Variants in FBXW7 observed in about 807,000 individuals in gnomAD.
The protein encoded by FBXW7 is F-box and WD repeat domain containing 7, also known as F-box/WD repeat-containing protein 7.
Under a neutral mutation model 86.3 loss-of-function variants are expected in FBXW7, and 11 were observed. That is an observed-to-expected ratio of 0.13 (90% CI 0.08 to 0.21). The LOEUF (loss-of-function observed/expected upper bound fraction) is 0.21. Ranked by LOEUF, FBXW7 falls within the 10% of genes least tolerant of loss-of-function variation. The pLI, the probability that FBXW7 is intolerant of heterozygous loss-of-function variation, is 1.00. For missense variants in FBXW7, 488 were observed against 847.4 expected (o/e 0.58, Z 5.27); for synonymous variants, 313 against 297.9 (o/e 1.05, Z -0.52).
At position 152,425,107 on chromosome 4, in the gene FBXW7, G is replaced by C. The variant is rs1739266451; in HGVS notation, c.-119-12578C>G. On this transcript the variant is annotated intron_variant, in intron 2 of 13. Transcript: ENST00000281708. ...AGCAATGCTCCACTCTTGTCTACCT[G>C]ATTTGTTTTCACTGCTGCCAAAATA... is the stretch of plus-strand genomic sequence containing the variant. 1.3e-5 allele frequency among the ~76,000 whole-genome samples: 2 copies of C among 152,212 alleles called. 1 individual carries two copies. Among genetic ancestry groups the C allele is most frequent in the South Asian group, 4.1e-4 (2 of 4,836 alleles).
At chr4:152,385,044 A>G (rs1735413994) in intron 4 of FBXW7, among the ~76,000 whole-genome samples, 1 of 152,034 alleles carries the variant, frequency 6.6e-6, no homozygotes. Flanking sequence ...TTGCTAAAGT[A>G]GGTCCCATGG....
intron 2 of FBXW7, among the ~76,000 whole-genome samples, chr4:152,522,393 T>A (rs775921342): frequency 6.6e-6 from 1 of 152,252 alleles, no homozygotes; most frequent in Non-Finnish European, 1.5e-5. Flanking sequence ...CCTTCTTACA[T>A]GTCTGTCTTT....
rs142183124 is a variant in FBXW7 at position 152,529,889 on chromosome 4, A to G, written c.-120+5052T>C. On this transcript the variant is annotated intron_variant, in intron 2 of 13. Coordinates refer to ENST00000281708, the MANE Select transcript of FBXW7 (RefSeq NM_001349798.2). ...AATCCAAAAGTTGTTACCCATCTCTATCAAAAATACAAAAAAATTAGTCGG... is the reference window on the plus strand; with the variant it reads ...AATCCAAAAGTTGTTACCCATCTCTGTCAAAAATACAAAAAAATTAGTCGG... 3.3e-5 allele frequency among the ~76,000 whole-genome samples: 5 copies of G among 151,924 alleles called. No individual in the cohort carries two copies. The East Asian group carries it at 9.7e-4, about 29-fold the overall frequency.
intron 8 of FBXW7, 143 bp downstream of exon 8, chr4:152,332,453 G>T: frequency 1.4e-6 from 1 of 737,768 alleles, no homozygotes; most frequent in African/African-American, 1.8e-5. Flanking sequence ...TAGCTGTTAA[G>T]ATTCGGCTCA....
chr4:152,489,966 G>C (rs1023782431), intron 2 of FBXW7, among the ~76,000 whole-genome samples: 2 of 151,980 alleles, frequency 1.3e-5, no homozygotes, highest in African/African-American at 4.8e-5. Flanking sequence ...TTGCAAACAT[G>C]TTTTCATTTC....
At chr4:152,508,666 AG>A (rs1747666012) in intron 2 of FBXW7, among the ~76,000 whole-genome samples, 1 of 151,440 alleles carries the variant, frequency 6.6e-6, no homozygotes, top group Non-Finnish European at 1.5e-5. Context: ...AAAAAAAAAA[AG>A]AAAAAAAAAA....
intron 2 of FBXW7, among the ~76,000 whole-genome samples, chr4:152,505,488 T>A (rs1747334894): frequency 6.6e-6 from 1 of 152,218 alleles, no homozygotes; most frequent in Non-Finnish European, 1.5e-5. Context: ...TTTCCTTATA[T>A]CCTTATTTTA....
chr4:152,515,984 G>A (rs1171827323), intron 2 of FBXW7, among the ~76,000 whole-genome samples: 1 of 152,156 alleles, frequency 6.6e-6, no homozygotes, highest in African/African-American at 2.4e-5. Context: ...CTGACAGCCA[G>A]CAAGCAAACA....
At chr4:152,373,746 C>T (rs1734219610) in intron 4 of FBXW7, among the ~76,000 whole-genome samples, 1 of 151,986 alleles carries the variant, frequency 6.6e-6, no homozygotes, top group African/African-American at 2.4e-5. Flanking sequence ...TACGTAGGTC[C>T]ATTTAAGCAG....
At chr4:152,445,289 G>A (rs1290965844) in intron 2 of FBXW7, among the ~76,000 whole-genome samples, 3 of 152,066 alleles carry the variant, frequency 2.0e-5, no homozygotes, top group Non-Finnish European at 4.4e-5. Flanking sequence ...ATGAAATTTG[G>A]CTTCATCTCT....
At chr4:152,378,417 C>T (rs560866318) in intron 4 of FBXW7, among the ~76,000 whole-genome samples, 4 of 152,234 alleles carry the variant, frequency 2.6e-5, no homozygotes, top group African/African-American at 9.6e-5. Flanking sequence ...TCCATCCTTT[C>T]CACCAAAGCT....
intron 7 of FBXW7, among the ~76,000 whole-genome samples, chr4:152,333,990 G>T (rs1285020123): frequency 1.3e-5 from 2 of 152,086 alleles, no homozygotes; most frequent in African/African-American, 2.4e-5. Flanking sequence ...GCAGGTGGAG[G>T]TTGCAGTGAG....
intron 4 of FBXW7, chr4:152,352,740 CA>C: frequency 6.2e-7 from 1 of 1,612,388 alleles, no homozygotes; most frequent in Non-Finnish European, 8.5e-7. Flanking sequence ...TACATACATG[CA>C]GCTTGACTGA....
intron 2 of FBXW7, among the ~76,000 whole-genome samples, chr4:152,467,835 C>T (rs1743596423): frequency 6.6e-6 from 1 of 152,128 alleles, no homozygotes; most frequent in Non-Finnish European, 1.5e-5. Flanking sequence ...AAAATTAAAA[C>T]TTTTCTGCTT....
At chr4:152,416,773 C>A (rs1001339311) in intron 2 of FBXW7, among the ~76,000 whole-genome samples, 23 of 152,106 alleles carry the variant, frequency 1.5e-4, no homozygotes, top group Admixed American at 2.0e-4. Flanking sequence ...GGAAAGGATG[C>A]AAAAGACTAT....
At chr4:152,405,763 G>GC (rs1176573146) in intron 4 of FBXW7, among the ~76,000 whole-genome samples, 2 of 152,168 alleles carry the variant, frequency 1.3e-5, no homozygotes, top group Admixed American at 1.3e-4. Context: ...AAATTATTCA[G>GC]CAGGCCCAGA....
chr4:152,467,610 A>G (rs1277421246), intron 2 of FBXW7, among the ~76,000 whole-genome samples: 1 of 152,240 alleles, frequency 6.6e-6, no homozygotes, highest in East Asian at 1.9e-4. Context: ...GTTTTGCTTA[A>G]AACAATTAGC....
intron 2 of FBXW7, among the ~76,000 whole-genome samples, chr4:152,515,604 ACTT>A (rs1748411207): frequency 1.3e-5 from 2 of 152,342 alleles, no homozygotes; most frequent in South Asian, 2.1e-4. Context: ...AGTCACGCTT[ACTT>A]CTTAATTTTA....
At chr4:152,453,875 A>G (rs1742146636) in intron 2 of FBXW7, among the ~76,000 whole-genome samples, 1 of 152,174 alleles carries the variant, frequency 6.6e-6, no homozygotes, top group South Asian at 2.1e-4. Flanking sequence ...GAACCTCTAT[A>G]TATATACTGT....
Sources: gnomAD v4.1 joint callset for allele counts (sites outside exome capture counted in the v4.1 genomes callset) on GRCh38, gnomAD v4.1.1 for gene constraint, MANE v1.5 for transcripts, NCBI Gene and HGNC (gene_info 2026-07-23, HGNC 2026-07-21) for gene names.